ADAMTS16: variants seen among roughly 807,000 people sequenced by gnomAD.
The protein encoded by ADAMTS16 is A disintegrin and metalloproteinase with thrombospondin motifs 16.
In ADAMTS16, 94 loss-of-function variants were observed where a neutral mutation model predicts 145.8. The ratio of observed to expected loss-of-function variants is 0.64; its 90% CI spans 0.55 to 0.77. The LOEUF is 0.77. Ranked by LOEUF, ADAMTS16 falls within the 30% of genes least tolerant of loss-of-function variation. The pLI, the probability that ADAMTS16 is intolerant of heterozygous loss-of-function variation, is 0.00. For synonymous variants in ADAMTS16, 659 were observed against 604.3 expected (o/e 1.09, Z -1.33); for missense variants, 1,585 against 1,591.5 (o/e 1.00, Z 0.07).
At chr5:5,222,922 T>C in intron 11 of ADAMTS16, 38 bp downstream of exon 11, 2 of 1,588,286 alleles carry the variant, frequency 1.3e-6, no homozygotes, top group Non-Finnish European at 1.7e-6. Context: ...CGTATTCAGA[T>C]GCTAGTCTTT....
At chr5:5,318,329 G>T in intron 22 of ADAMTS16, 48 bp downstream of exon 22, 3 of 1,360,410 alleles carry the variant, frequency 2.2e-6, no homozygotes, top group Non-Finnish European at 2.9e-6. Flanking sequence ...GGGCTGGAAT[G>T]TCAGGTTTCT....
chr5:5,257,468 T>A (rs1737826707), intron 17 of ADAMTS16, among the ~76,000 whole-genome samples: 1 of 151,800 alleles, frequency 6.6e-6, no homozygotes, highest in Non-Finnish European at 1.5e-5. Context: ...ATGTAATGCA[T>A]TACTGGGATG....
intron 3 of ADAMTS16, among the ~76,000 whole-genome samples, chr5:5,156,187 G>A (rs1734597484): frequency 6.6e-6 from 1 of 152,178 alleles, no homozygotes; most frequent in Admixed American, 6.5e-5. Flanking sequence ...TCAGGAAACA[G>A]AGTTTAAAGG....
At chr5:5,158,089 T>G (rs1045457087) in intron 3 of ADAMTS16, among the ~76,000 whole-genome samples, 2 of 152,268 alleles carry the variant, frequency 1.3e-5, no homozygotes, top group African/African-American at 4.8e-5. Context: ...ACTGTTTCAC[T>G]GTTGCTCCAA....
intron 4 of ADAMTS16, among the ~76,000 whole-genome samples, chr5:5,185,519 A>G (rs1422148645): frequency 2.0e-5 from 3 of 152,240 alleles, no homozygotes; most frequent in Non-Finnish European, 4.4e-5. Context: ...TAAGCTCTTC[A>G]GTGAAGTGGA....
chr5:5,313,538 G>A (rs1740540302), intron 21 of ADAMTS16, among the ~76,000 whole-genome samples: 1 of 152,232 alleles, frequency 6.6e-6, no homozygotes, highest in Non-Finnish European at 1.5e-5. Context: ...GACCCCACAT[G>A]CAGAGACAGG....
chr5:5,256,692 A>G (rs1029310638), intron 17 of ADAMTS16, among the ~76,000 whole-genome samples: 1 of 152,250 alleles, frequency 6.6e-6, no homozygotes, highest in African/African-American at 2.4e-5. Context: ...CTTAGTTAAG[A>G]GACCGTACCT....
chr5:5,225,495 C>T (rs1186019977), intron 11 of ADAMTS16, among the ~76,000 whole-genome samples: 1 of 151,864 alleles, frequency 6.6e-6, no homozygotes, highest in Non-Finnish European at 1.5e-5. Context: ...CCCAGCTGCT[C>T]GGGAGGCTGA....
chr5:5,248,906 A>G (rs1737537773), intron 17 of ADAMTS16, among the ~76,000 whole-genome samples: 1 of 152,238 alleles, frequency 6.6e-6, no homozygotes, highest in African/African-American at 2.4e-5. Flanking sequence ...GGCTTGGTAT[A>G]TTAGGGTCCT....
At chr5:5,153,737 G>GA (rs901427975) in intron 3 of ADAMTS16, among the ~76,000 whole-genome samples, 2 of 152,072 alleles carry the variant, frequency 1.3e-5, no homozygotes, top group African/African-American at 4.8e-5. Context: ...ACTTGGATTA[G>GA]AAAAAAATAT....
chr5:5,291,514 C>G (rs1739315405), intron 18 of ADAMTS16, among the ~76,000 whole-genome samples: 2 of 152,322 alleles, frequency 1.3e-5, no homozygotes, highest in South Asian at 4.1e-4. Flanking sequence ...CATAGAAAAG[C>G]TACTGTGACC....
chr5:5,319,396 C>A lies in ADAMTS16; in HGVS notation c.*258C>A. 2.0e-6 allele frequency: 1 copy of A among 489,212 alleles called. No homozygotes were observed. Among genetic ancestry groups the A allele is most frequent in the Admixed American group, 3.6e-5 (1 of 27,548 alleles). The allele number at this position is 489,212 out of a possible 1,614,324, so 30.3% of individuals were successfully genotyped here. A position where few individuals can be genotyped will look rare whatever the true frequency, so the allele number is the denominator to read the frequency against. ...GCAGACAGAGCTGTGGCTCGTGAGG[C>A]AGAAGGCAGGCACCACAACGGGAGA... On this transcript the variant is annotated 3_prime_UTR_variant, in exon 23 of 23. Coordinates refer to ENST00000274181, the MANE Select transcript of ADAMTS16 (RefSeq NM_139056.4).
intron 18 of ADAMTS16, among the ~76,000 whole-genome samples, chr5:5,292,637 C>T (rs539110909): frequency 1.7e-4 from 26 of 152,244 alleles, no homozygotes; most frequent in Admixed American, 3.9e-4. Flanking sequence ...GCCCAAATGC[C>T]GTCGTGTGGC....
At chr5:5,208,973 T>C (rs1736202138) in intron 9 of ADAMTS16, 120 bp from the exon 10 acceptor site, 10 of 1,095,482 alleles carry the variant, frequency 9.1e-6, no homozygotes, top group South Asian at 2.1e-5. Context: ...AAAAAAGTTC[T>C]CCTCTTTGTA....
intron 9 of ADAMTS16, among the ~76,000 whole-genome samples, 185 bp from the exon 10 acceptor site, chr5:5,208,908 G>A (rs980614796): frequency 4.6e-5 from 7 of 152,116 alleles, no homozygotes; most frequent in African/African-American, 2.4e-5. Flanking sequence ...TTCAGAAAAT[G>A]GAGTCTCTGT....
intron 17 of ADAMTS16, among the ~76,000 whole-genome samples, chr5:5,251,620 G>A (rs1737624610): frequency 6.6e-6 from 1 of 152,186 alleles, no homozygotes; most frequent in Admixed American, 6.5e-5. Flanking sequence ...AGAGACTGAA[G>A]GGAGATGGAG....
At chr5:5,230,448 A>C (rs923072885) in intron 11 of ADAMTS16, among the ~76,000 whole-genome samples, 1 of 152,136 alleles carries the variant, frequency 6.6e-6, no homozygotes, top group Non-Finnish European at 1.5e-5. Context: ...TAAAGTTCTT[A>C]ATTTGGAGAA....
chr5:5,196,846 G>T (rs1231157784), intron 8 of ADAMTS16, among the ~76,000 whole-genome samples: 1 of 152,124 alleles, frequency 6.6e-6, no homozygotes, highest in Non-Finnish European at 1.5e-5. Context: ...ACTGAGGCTG[G>T]GGGGGTCAAG....
intron 10 of ADAMTS16, among the ~76,000 whole-genome samples, chr5:5,214,539 G>A (rs763532935): frequency 1.4e-4 from 22 of 152,100 alleles, no homozygotes; most frequent in Non-Finnish European, 2.9e-4. Context: ...AGTAGCTAGG[G>A]TTACAGGTGC....
Sources: gnomAD v4.1 joint callset for allele counts (sites outside exome capture counted in the v4.1 genomes callset) on GRCh38, gnomAD v4.1.1 for gene constraint, MANE v1.5 for transcripts, NCBI Gene and HGNC (gene_info 2026-07-23, HGNC 2026-07-21) for gene names.